The following CLMP variants were observed in gnomAD, a reference collection of about 807,000 sequenced individuals.
The protein encoded by CLMP is CXADR like cell adhesion molecule, also known as CXADR-like membrane protein.
Under a neutral mutation model 45.2 loss-of-function variants are expected in CLMP, and 27 were observed. That is an observed-to-expected ratio of 0.60 (90% CI 0.44 to 0.82). CLMP has a LOEUF of 0.82. CLMP is among the 40% of genes least tolerant of loss of function. CLMP has a pLI of 0.00. For missense variants in CLMP, 403 were observed against 448.4 expected (o/e 0.90, Z 0.91); for synonymous variants, 167 against 171.4 (o/e 0.97, Z 0.20).
chr11:123,132,350 G>A (rs1861003037), intron 1 of CLMP, among the ~76,000 whole-genome samples: 1 of 152,198 alleles, frequency 6.6e-6, no homozygotes. Flanking sequence ...CCCACATGGA[G>A]ATGGCTGTTT....
rs1216623684 is a variant in CLMP at position 123,084,707 on chromosome 11, T to C, written c.193A>G (p.Thr65Ala). ...DNEGNQKVVI[T>A]YSSRHVYNNL... The stretch of plus-strand genomic sequence containing the variant: ...TTGTAGACATGACGACTGGAGTAAG[T>C]GATCACCTGTGGGATAGACCGAGGC... The change falls in exon 3 of 7, where the codon ACT becomes GCT. Residue 65 changes from threonine (T) to alanine (A), a missense_variant. Physicochemically the swap from Thr to Ala is moderately conservative, Grantham distance 58. Coordinates refer to ENST00000448775, the MANE Select transcript of CLMP (RefSeq NM_024769.5). The C allele has an allele frequency of 6.8e-6, 11 of 1,614,028 alleles. No homozygotes were observed. The highest frequency in any genetic ancestry group is 8.5e-6 in the Non-Finnish European group (10 of 1,179,968).
intron 5 of CLMP, among the ~76,000 whole-genome samples, chr11:123,078,785 C>T (rs1249432394): frequency 1.3e-5 from 2 of 151,860 alleles, no homozygotes; most frequent in Non-Finnish European, 2.9e-5. Context: ...GCTGGGACTA[C>T]AGGTGCCTGC....
chr11:123,106,652 A>G (rs930808970), intron 1 of CLMP, among the ~76,000 whole-genome samples: 2 of 152,164 alleles, frequency 1.3e-5, no homozygotes, highest in African/African-American at 2.4e-5. Flanking sequence ...TAAGCATTAC[A>G]TATGATGCAT....
intron 1 of CLMP, among the ~76,000 whole-genome samples, chr11:123,153,512 G>A (rs1861369634): frequency 6.6e-6 from 1 of 152,052 alleles, no homozygotes; most frequent in African/African-American, 2.4e-5. Flanking sequence ...GCATTCAAAA[G>A]GAACTCTACT....
At chr11:123,165,723 C>A (rs1861547325) in intron 1 of CLMP, among the ~76,000 whole-genome samples, 3 of 152,122 alleles carry the variant, frequency 2.0e-5, no homozygotes, top group Non-Finnish European at 4.4e-5. Flanking sequence ...GTACCCAGCC[C>A]AAAGACTGTA....
intron 1 of CLMP, among the ~76,000 whole-genome samples, chr11:123,130,127 T>TA (rs1405258367): frequency 6.6e-6 from 1 of 151,390 alleles, no homozygotes; most frequent in African/African-American, 2.4e-5. Flanking sequence ...TGAGAAAGAG[T>TA]AAAAATATTC....
chr11:123,108,160 A>T (rs958264579), intron 1 of CLMP, among the ~76,000 whole-genome samples: 1 of 151,956 alleles, frequency 6.6e-6, no homozygotes, highest in Non-Finnish European at 1.5e-5. Context: ...TTCCTCTGCC[A>T]TTTGCTTTCC....
intron 1 of CLMP, among the ~76,000 whole-genome samples, chr11:123,144,773 C>T (rs1024117376): frequency 2.6e-5 from 4 of 152,154 alleles, no homozygotes; most frequent in Non-Finnish European, 5.9e-5. Context: ...TTTTGAAGTG[C>T]AGGGATATCT....
intron 1 of CLMP, among the ~76,000 whole-genome samples, chr11:123,142,971 C>T (rs1391943760): frequency 6.6e-6 from 1 of 152,126 alleles, no homozygotes; most frequent in African/African-American, 2.4e-5. Flanking sequence ...GACATGAGCC[C>T]ATGATTTCTT....
chr11:123,138,996 A>T (rs1251379226), intron 1 of CLMP, among the ~76,000 whole-genome samples: 1 of 152,086 alleles, frequency 6.6e-6, no homozygotes, highest in Non-Finnish European at 1.5e-5. Context: ...ATTAAAAGAA[A>T]AGTTACTGTT....
intron 1 of CLMP, among the ~76,000 whole-genome samples, chr11:123,132,511 T>C (rs1861004902): frequency 6.6e-6 from 1 of 151,990 alleles, no homozygotes; most frequent in Non-Finnish European, 1.5e-5. Flanking sequence ...CAGGCTGGAG[T>C]GCAGTGGTGC....
intron 1 of CLMP, among the ~76,000 whole-genome samples, chr11:123,185,078 G>A (rs1861816572): frequency 6.6e-6 from 1 of 152,186 alleles, no homozygotes; most frequent in Non-Finnish European, 1.5e-5. Context: ...GCTGGTCAGG[G>A]TAGAAGTGGT....
intron 1 of CLMP, among the ~76,000 whole-genome samples, chr11:123,172,023 T>A (rs1477283662): frequency 6.6e-6 from 1 of 152,160 alleles, no homozygotes; most frequent in African/African-American, 2.4e-5. Flanking sequence ...ATTCTGTATT[T>A]TTTTTTTACT....
intron 1 of CLMP, among the ~76,000 whole-genome samples, chr11:123,112,484 C>T (rs1443695330): frequency 6.6e-6 from 1 of 151,630 alleles, no homozygotes; most frequent in African/African-American, 2.4e-5. Flanking sequence ...ATTACAGGTG[C>T]CCGCTACCAC....
At chr11:123,175,008 T>C (rs761280386) in intron 1 of CLMP, among the ~76,000 whole-genome samples, 1 of 152,166 alleles carries the variant, frequency 6.6e-6, no homozygotes, top group East Asian at 1.9e-4. Context: ...AGCTGGAGTA[T>C]GGTGATGCAA....
chr11:123,156,081 G>T (rs1315162629), intron 1 of CLMP, among the ~76,000 whole-genome samples: 2 of 152,092 alleles, frequency 1.3e-5, no homozygotes, highest in East Asian at 1.9e-4. Context: ...AGTAATTAAG[G>T]TTAAATGGGT....
chr11:123,181,996 T>G (rs1861776206), intron 1 of CLMP, among the ~76,000 whole-genome samples: 1 of 152,246 alleles, frequency 6.6e-6, no homozygotes, highest in South Asian at 2.1e-4. Context: ...ATGTGGGTTA[T>G]GCTTCTTTTA....
chr11:123,142,330 G>C (rs1380762012), intron 1 of CLMP, among the ~76,000 whole-genome samples: 1 of 152,030 alleles, frequency 6.6e-6, no homozygotes, highest in African/African-American at 2.4e-5. Flanking sequence ...TCTACATGTT[G>C]GGGATGGGGT....
chr11:123,107,882 TA>T (rs1860582574), intron 1 of CLMP, among the ~76,000 whole-genome samples: 1 of 152,090 alleles, frequency 6.6e-6, no homozygotes. Context: ...GCACATCTCC[TA>T]AAAATAAGCA....
Sources: gnomAD v4.1 joint callset for allele counts (sites outside exome capture counted in the v4.1 genomes callset) on GRCh38, gnomAD v4.1.1 for gene constraint, MANE v1.5 for transcripts, NCBI Gene and HGNC (gene_info 2026-07-23, HGNC 2026-07-21) for gene names.